TNNI3K: variants seen among roughly 807,000 people sequenced by gnomAD.
The protein encoded by TNNI3K is serine/threonine-protein kinase TNNI3K.
In TNNI3K, 140 loss-of-function variants were observed where a neutral mutation model predicts 114.5. That is an observed-to-expected ratio of 1.22 (90% CI 1.07 to 1.41). The LOEUF (loss-of-function observed/expected upper bound fraction) is 1.41, where lower values mean the gene tolerates loss of function less well. Among genes scored for constraint, TNNI3K ranks in the 40% most tolerant of loss-of-function variants. TNNI3K has a pLI of 0.00. For missense variants in TNNI3K, 1,125 were observed against 1,007.6 expected, an observed-to-expected ratio of 1.12 and a Z score of -1.58; for synonymous variants, 347 against 347.5, an observed-to-expected ratio of 1.00 and a Z score of 0.02.
chr1:74,504,639 A>T (rs1669798249), intron 23 of TNNI3K, among the ~76,000 whole-genome samples: 1 of 149,576 alleles, frequency 6.7e-6, no homozygotes, highest in South Asian at 2.1e-4. Context: ...TGACACCTTT[A>T]AAAAAAATTT....
At chr1:74,257,372 T>C (rs1655377998) in intron 4 of TNNI3K, among the ~76,000 whole-genome samples, 1 of 152,210 alleles carries the variant, frequency 6.6e-6, no homozygotes, top group Non-Finnish European at 1.5e-5. Flanking sequence ...ACATCTAGAT[T>C]AGCTCAGTAT....
At chr1:74,540,031 T>C (rs1401289553) in intron 23 of TNNI3K, among the ~76,000 whole-genome samples, 2 of 152,154 alleles carry the variant, frequency 1.3e-5, no homozygotes, top group Admixed American at 6.6e-5. Flanking sequence ...TAACCTATGC[T>C]TAAGAGCCAG....
chr1:74,237,921 A>G (rs1434231563), intron 2 of TNNI3K, among the ~76,000 whole-genome samples: 1 of 152,036 alleles, frequency 6.6e-6, no homozygotes, highest in Non-Finnish European at 1.5e-5. Flanking sequence ...TAAGGATTAG[A>G]GACAAGGCAG....
chr1:74,511,026 T>A (rs889129404), intron 23 of TNNI3K, among the ~76,000 whole-genome samples: 1 of 151,954 alleles, frequency 6.6e-6, no homozygotes, highest in Non-Finnish European at 1.5e-5. Context: ...TAGCTGGAAT[T>A]ACAGGCGTCT....
intron 21 of TNNI3K, chr1:74,475,522 G>T: frequency 1.4e-6 from 1 of 716,920 alleles, no homozygotes; most frequent in Non-Finnish European, 2.6e-6. Flanking sequence ...GTTTCTAAAT[G>T]ATCCGTCAAG....
chr1:74,438,593 G>A (rs1272487585), intron 19 of TNNI3K, among the ~76,000 whole-genome samples: 1 of 152,022 alleles, frequency 6.6e-6, no homozygotes, highest in East Asian at 1.9e-4. Context: ...ATACTGAACA[G>A]CTACCCAGAG....
chr1:74,265,815 C>T (rs1398548257), intron 4 of TNNI3K, among the ~76,000 whole-genome samples: 1 of 152,002 alleles, frequency 6.6e-6, no homozygotes, highest in Admixed American at 6.6e-5. Context: ...AGGAAGTGCC[C>T]ATCAATATTG....
At chr1:74,532,373 C>A (rs1435038865) in intron 23 of TNNI3K, among the ~76,000 whole-genome samples, 1 of 152,118 alleles carries the variant, frequency 6.6e-6, no homozygotes, top group Non-Finnish European at 1.5e-5. Context: ...TAATCCAAAA[C>A]CCTTTAACTT....
chr1:74,245,755 A>G (rs1366200064), intron 2 of TNNI3K, among the ~76,000 whole-genome samples: 5 of 152,242 alleles, frequency 3.3e-5, no homozygotes, highest in African/African-American at 1.2e-4. Context: ...GGGTCATTGA[A>G]GAACCTCAGT....
intron 20 of TNNI3K, among the ~76,000 whole-genome samples, chr1:74,453,853 C>T (rs1379756420): frequency 6.6e-6 from 1 of 152,116 alleles, no homozygotes; most frequent in East Asian, 1.9e-4. Context: ...TGAGCAGGAA[C>T]GTAGGTATAC....
At chr1:74,350,200 T>A (rs1217145288) in intron 9 of TNNI3K, among the ~76,000 whole-genome samples, 1 of 152,224 alleles carries the variant, frequency 6.6e-6, no homozygotes, top group East Asian at 1.9e-4. Flanking sequence ...TCAAAGAACA[T>A]CTTTATGTCT....
chr1:74,365,747 C>A (rs906249022), intron 11 of TNNI3K, among the ~76,000 whole-genome samples: 8 of 152,016 alleles, frequency 5.3e-5, no homozygotes, highest in Admixed American at 5.3e-4. Context: ...TTTCCCTGAT[C>A]GTGAGCTCGC....
chr1:74,476,084 A>C (rs1668192316), intron 21 of TNNI3K, among the ~76,000 whole-genome samples: 1 of 152,126 alleles, frequency 6.6e-6, no homozygotes, highest in African/African-American at 2.4e-5. Flanking sequence ...TCATGAACTG[A>C]AACTCATTTA....
At chr1:74,280,381 C>CAAA (rs553856449) in intron 5 of TNNI3K, among the ~76,000 whole-genome samples, 27 of 138,116 alleles carry the variant, frequency 2.0e-4, no homozygotes, top group African/African-American at 7.2e-4. Flanking sequence ...AACTCCATCT[C>CAAA]AAAAAAAAAA....
intron 21 of TNNI3K, among the ~76,000 whole-genome samples, chr1:74,486,201 A>AAGAGAGAGAG (rs58506314): frequency 0.036 from 4,932 of 136,422 alleles, 144 homozygotes; most frequent in Non-Finnish European, 0.046. Context: ...AAATGCTATA[A>AAGAGAGAGAG]AGAGAGAGAG....
chr1:74,389,335 G>A (rs565936759), intron 17 of TNNI3K, among the ~76,000 whole-genome samples: 5 of 152,174 alleles, frequency 3.3e-5, no homozygotes, highest in Admixed American at 6.5e-5. Flanking sequence ...TGTTGTCAGG[G>A]TAGATAATGA....
At chr1:74,279,341 A>G (rs906641428) in intron 5 of TNNI3K, among the ~76,000 whole-genome samples, 5 of 152,182 alleles carry the variant, frequency 3.3e-5, no homozygotes, top group Non-Finnish European at 7.3e-5. Context: ...AGCTTTTTGT[A>G]GTTAAAATTT....
chr1:74,495,441 G>A (rs1669281104), intron 23 of TNNI3K, among the ~76,000 whole-genome samples: 1 of 152,168 alleles, frequency 6.6e-6, no homozygotes, highest in Non-Finnish European at 1.5e-5. Context: ...GGCAGATAAA[G>A]AATAAAAAAT....
chr1:74,497,439 C>T (rs897220313), intron 23 of TNNI3K, among the ~76,000 whole-genome samples: 4 of 152,050 alleles, frequency 2.6e-5, no homozygotes, highest in Non-Finnish European at 5.9e-5. Context: ...TGTCAACTCA[C>T]CACAATCAGC....
Sources: allele counts gnomAD v4.1 joint callset (sites outside exome capture counted in the v4.1 genomes callset), GRCh38; gene constraint gnomAD v4.1.1; transcripts MANE v1.5; gene names NCBI Gene and HGNC (gene_info 2026-07-23, HGNC 2026-07-21).